Variants in PIK3C2G observed in about 807,000 individuals in gnomAD.
PIK3C2G encodes phosphatidylinositol 3-kinase C2 domain-containing subunit gamma.
PIK3C2G carries 168 observed loss-of-function variants against 181.1 expected under a neutral mutation model. That is an observed-to-expected ratio of 0.93 (90% CI 0.82 to 1.05). The LOEUF (loss-of-function observed/expected upper bound fraction) is 1.05. PIK3C2G is among the 50% of genes least tolerant of loss of function. PIK3C2G has a pLI of 0.00. For missense variants in PIK3C2G, 1,869 were observed against 1,732.8 expected, an observed-to-expected ratio of 1.08 and a Z score of -1.40; for synonymous variants, 573 against 592.2, an observed-to-expected ratio of 0.97 and a Z score of 0.47.
At chr12:18,566,816 A>G (rs1259735601) in intron 28 of PIK3C2G, 133 bp from the exon 29 acceptor site, 2 of 649,526 alleles carry the variant, frequency 3.1e-6, no homozygotes, top group Non-Finnish European at 2.8e-6. Context: ...AGGATTAATC[A>G]CGTAGACTAT....
At chr12:18,593,876 C>T (rs1471483137) in intron 29 of PIK3C2G, among the ~76,000 whole-genome samples, 1 of 150,654 alleles carries the variant, frequency 6.6e-6, no homozygotes, top group African/African-American at 2.4e-5. Context: ...AGAGAGAATA[C>T]CTTATGCATC....
chr12:18,393,085 T>C (rs1409522334), intron 15 of PIK3C2G, among the ~76,000 whole-genome samples: 1 of 152,108 alleles, frequency 6.6e-6, no homozygotes, highest in East Asian at 1.9e-4. Context: ...AAAGATGCCT[T>C]GAAATTTTAA....
Position 18,488,463 on chromosome 12 carries a change from C to T in PIK3C2G, c.2519C>T (p.Ala840Val), listed in dbSNP as rs758922255. ...CTTTCCTTCAGGCTGCTAAAAAATG[C>T]AGAAAATGAAGCTTATTTTAAAAGC... Reference protein sequence around the residue: ...AHRLYWLLKNAENEAYFKSWY... With the variant: ...AHRLYWLLKNVENEAYFKSWY... The change falls in exon 19 of 33, where the codon GCA becomes GTA. Residue 840 changes from alanine (A) to valine (V), a missense_variant. Ala to Val is a moderately conservative substitution (Grantham distance 64, BLOSUM62 0). Coordinates refer to ENST00000538779, the MANE Select transcript of PIK3C2G (RefSeq NM_001288772.2). 7 of 1,509,444 alleles carry T rather than the reference C, an allele frequency of 4.6e-6. No individual in the cohort carries two copies. In the African/African-American group the frequency reaches 7.2e-5, roughly 15 times the overall value. The allele number at this position is 1,509,444 out of a possible 1,614,324, so 93.5% of individuals were successfully genotyped here. A position where few individuals can be genotyped will look rare whatever the true frequency, so the allele number is the denominator to read the frequency against.
chr12:18,322,959 C>A (rs190736014), intron 7 of PIK3C2G, among the ~76,000 whole-genome samples: 2 of 152,236 alleles, frequency 1.3e-5, no homozygotes, highest in Non-Finnish European at 2.9e-5. Flanking sequence ...CACACATACA[C>A]CTCAAATATG....
the PIK3C2G span, among the ~76,000 whole-genome samples, chr12:18,690,382 C>A: frequency 2.0e-5 from 3 of 152,028 alleles, no homozygotes; most frequent in Non-Finnish European, 2.9e-5. Flanking sequence ...TGCCACCATG[C>A]CCAGCTAAGT....
chr12:18,460,055 G>A lies in PIK3C2G; in HGVS notation c.2505-28394G>A, dbSNP rs1018320673. ...GCTGGGATTACAGGCGTGAGCCATC[G>A]CACCCAGCCCTTCTTTTTTCTTAAT... On this transcript the variant is annotated intron_variant, in intron 18 of 32. Transcript: ENST00000538779. 3.3e-5 allele frequency among the ~76,000 whole-genome samples: 5 copies of A among 152,228 alleles called. No individual in the cohort carries two copies. In the East Asian group the frequency reaches 9.7e-4, roughly 29 times the overall value.
chr12:18,468,875 A>C lies in PIK3C2G; in HGVS notation c.2505-19574A>C, dbSNP rs182809623. Among the ~76,000 whole-genome samples, 4 of 152,240 alleles carry C rather than the reference A, an allele frequency of 2.6e-5. No individual in the cohort carries two copies. In the East Asian group the frequency reaches 7.7e-4, roughly 29 times the overall value. On this transcript the variant is annotated intron_variant, in intron 18 of 32. Coordinates refer to ENST00000538779, the MANE Select transcript of PIK3C2G (RefSeq NM_001288772.2). ...GAAGAAGCATGTGCTTAATGACCAG[A>C]AAATGAGTCAAACCATTGATGTGAA...
intron 15 of PIK3C2G, 74 bp downstream of exon 15, chr12:18,391,326 T>A: frequency 8.7e-7 from 1 of 1,152,702 alleles, no homozygotes; most frequent in Non-Finnish European, 1.2e-6. Flanking sequence ...TGAAGCATGA[T>A]AGCTTCAAAG....
At chr12:18,341,858 T>A (rs568197252) in intron 9 of PIK3C2G, among the ~76,000 whole-genome samples, 1 of 152,270 alleles carries the variant, frequency 6.6e-6, no homozygotes, top group South Asian at 2.1e-4. Context: ...TTGGTCAACA[T>A]GCAAAGGACT....
At chr12:18,597,648 G>A (rs961674702) in intron 30 of PIK3C2G, among the ~76,000 whole-genome samples, 3 of 151,892 alleles carry the variant, frequency 2.0e-5, no homozygotes, top group Admixed American at 6.6e-5. Context: ...TTCTGGCCAG[G>A]GCAATTAGAC....
chr12:18,290,177 A>C (rs1038876618), intron 3 of PIK3C2G, among the ~76,000 whole-genome samples: 1 of 152,154 alleles, frequency 6.6e-6, no homozygotes, highest in African/African-American at 2.4e-5. Flanking sequence ...AAAATTGGTC[A>C]AATAACTTGC....
chr12:18,314,171 AC>A, intron 6 of PIK3C2G, 107 bp downstream of exon 6: 1 of 605,262 alleles, frequency 1.7e-6, no homozygotes, highest in East Asian at 2.8e-5. Context: ...CTTAATTAAT[AC>A]ATGTTTATTT....
intron 7 of PIK3C2G, among the ~76,000 whole-genome samples, chr12:18,322,534 T>A (rs1007072380): frequency 6.6e-6 from 1 of 152,144 alleles, no homozygotes; most frequent in African/African-American, 2.4e-5. Flanking sequence ...TCTCATCTAA[T>A]TCTTTCTAAA....
At chr12:18,350,704 A>G (rs928008735) in intron 11 of PIK3C2G, among the ~76,000 whole-genome samples, 11 of 152,172 alleles carry the variant, frequency 7.2e-5, no homozygotes, top group Non-Finnish European at 1.5e-4. Flanking sequence ...ATAAATACTG[A>G]TGCATATACC....
intron 31 of PIK3C2G, among the ~76,000 whole-genome samples, chr12:18,615,382 T>TAA (rs1948560010): frequency 6.6e-6 from 1 of 150,842 alleles, no homozygotes; most frequent in Admixed American, 6.6e-5. Flanking sequence ...TGTGTATATA[T>TAA]ATATATCACG....
chr12:18,266,104 A>G (rs12229512), intron 1 of PIK3C2G, among the ~76,000 whole-genome samples: 55,383 of 149,620 alleles, frequency 0.37, 10,315 homozygotes, highest in Non-Finnish European at 0.41. Flanking sequence ...GCTTATATTT[A>G]TCATCATTAG....
At chr12:18,277,019 C>T (rs1466840561) in intron 1 of PIK3C2G, among the ~76,000 whole-genome samples, 1 of 152,098 alleles carries the variant, frequency 6.6e-6, no homozygotes, top group East Asian at 1.9e-4. Context: ...ATGTTTTCCC[C>T]AAGCACCTCT....
rs115910396 is a variant in PIK3C2G at position 18,499,167 on chromosome 12, T to C, written c.3016+1419T>C. The stretch of plus-strand genomic sequence containing the variant: ...ATAACTATAGACTTATCCAAAGTTG[T>C]AGATGTCGCAAGACAAAAGTTATTT... On this transcript the variant is annotated intron_variant, in intron 22 of 32. Coordinates refer to ENST00000538779, the MANE Select transcript of PIK3C2G (RefSeq NM_001288772.2). Among the ~76,000 whole-genome samples, 1,036 of 152,372 alleles carry C rather than the reference T, an allele frequency of 6.8e-3. 11 individuals carry two copies. The highest frequency in any genetic ancestry group is 0.024 in the African/African-American group (1,005 of 41,584).
At position 18,278,166 on chromosome 12, in the gene PIK3C2G, C is replaced by T. The variant is rs995615011; in HGVS notation, c.-78-3838C>T. Among the ~76,000 whole-genome samples the T allele has an allele frequency of 6.6e-5, 10 of 152,158 alleles. No homozygotes were observed. The South Asian group carries it at 1.0e-3, about 16-fold the overall frequency. ...GTTGCTTAAAGCAATACATTTATTA[C>T]GTTTCAGTTCTGTAAGTCAGAAGTC... On this transcript the variant is annotated intron_variant, in intron 1 of 32. Coordinates refer to ENST00000538779, the MANE Select transcript of PIK3C2G (RefSeq NM_001288772.2).
Sources: allele counts gnomAD v4.1 joint callset (sites outside exome capture counted in the v4.1 genomes callset), GRCh38; gene constraint gnomAD v4.1.1; transcripts MANE v1.5; gene names NCBI Gene and HGNC (gene_info 2026-07-23, HGNC 2026-07-21).